NR6A1: variants seen among roughly 807,000 people sequenced by gnomAD.
NR6A1 encodes the protein nuclear receptor subfamily 6 group A member 1.
In NR6A1, 7 loss-of-function variants were observed where a neutral mutation model predicts 59.1. The ratio of observed to expected loss-of-function variants is 0.12; its 90% CI spans 0.07 to 0.22. The LOEUF is 0.22. NR6A1 is among the 10% of genes least tolerant of loss of function. NR6A1 has a pLI of 1.00. For synonymous variants in NR6A1, 243 were observed against 236.1 expected (o/e 1.03, Z -0.27); for missense variants, 468 against 611.6 (o/e 0.77, Z 2.48).
intron 6 of NR6A1, among the ~76,000 whole-genome samples, chr9:124,537,705 G>A (rs1432279777): frequency 6.6e-6 from 1 of 152,146 alleles, no homozygotes; most frequent in African/African-American, 2.4e-5. Context: ...GGTGAGGGGT[G>A]CAGACAGGCT....
At chr9:124,619,664 G>T (rs1836004888) in intron 2 of NR6A1, among the ~76,000 whole-genome samples, 1 of 152,164 alleles carries the variant, frequency 6.6e-6, no homozygotes, top group African/African-American at 2.4e-5. Flanking sequence ...CTGCTTACTA[G>T]AAGTGTGACT....
intron 2 of NR6A1, among the ~76,000 whole-genome samples, chr9:124,567,936 G>A (rs1370601467): frequency 6.7e-6 from 1 of 150,294 alleles, no homozygotes; most frequent in Non-Finnish European, 1.5e-5. Flanking sequence ...AGAACTTTGG[G>A]AGGCCAGGGC....
chr9:124,757,795 C>T (rs962582664), intron 1 of NR6A1, among the ~76,000 whole-genome samples: 1 of 152,144 alleles, frequency 6.6e-6, no homozygotes, highest in African/African-American at 2.4e-5. Context: ...ACGCTTTAAC[C>T]CTGCTTTCCA....
At chr9:124,565,321 G>A (rs543146849) in intron 2 of NR6A1, among the ~76,000 whole-genome samples, 6 of 152,260 alleles carry the variant, frequency 3.9e-5, no homozygotes, top group African/African-American at 1.4e-4. Flanking sequence ...CAGATACCCA[G>A]GAGGCTGAGG....
chr9:124,522,590 C>A lies in NR6A1; in HGVS notation c.*115G>T. On this transcript the variant is annotated 3_prime_UTR_variant, in exon 10 of 10. Coordinates refer to ENST00000487099, the MANE Select transcript of NR6A1 (RefSeq NM_033334.4). ...ACAAAAACTCTTCTTGCTATGGAGG[C>A]AACGGGAAATGCTGCTCCACAGCCT... The A allele has an allele frequency of 1.5e-6, 1 of 665,502 alleles. No individual in the cohort carries two copies. Among genetic ancestry groups the A allele is most frequent in the Non-Finnish European group, 2.5e-6 (1 of 396,538 alleles). The allele number at this position is 665,502 out of a possible 1,614,324, so 41.2% of individuals were successfully genotyped here.
At chr9:124,770,291 C>G (rs1389774499) in intron 1 of NR6A1, 3 of 138,660 alleles carry the variant, frequency 2.2e-5, no homozygotes, top group African/African-American at 8.0e-5. Flanking sequence ...CCAGAGCGCG[C>G]GGGGCGTTGA....
intron 1 of NR6A1, among the ~76,000 whole-genome samples, chr9:124,739,187 C>CAA (rs914049465): frequency 1.2e-4 from 10 of 80,452 alleles, no homozygotes; most frequent in Admixed American, 4.2e-4. Flanking sequence ...GACTCCATCT[C>CAA]AAAAAAAAAA....
chr9:124,572,779 G>C (rs1441667074), intron 2 of NR6A1, among the ~76,000 whole-genome samples: 1 of 152,174 alleles, frequency 6.6e-6, no homozygotes, highest in Non-Finnish European at 1.5e-5. Flanking sequence ...GCTCTAAGAA[G>C]CTACAGGAAG....
At chr9:124,535,806 AG>A (rs1833244776) in intron 7 of NR6A1, 71 bp downstream of exon 7, 1 of 1,571,108 alleles carries the variant, frequency 6.4e-7, no homozygotes, top group South Asian at 1.2e-5. Context: ...CTGAAGGGCC[AG>A]GCAACTCTGC....
chr9:124,650,383 A>C (rs1489843762), intron 2 of NR6A1, among the ~76,000 whole-genome samples: 1 of 152,218 alleles, frequency 6.6e-6, no homozygotes, highest in Non-Finnish European at 1.5e-5. Context: ...TTAAAAAAAA[A>C]CAACTGATCT....
chr9:124,721,849 T>C (rs965081837), intron 2 of NR6A1, among the ~76,000 whole-genome samples: 1 of 151,924 alleles, frequency 6.6e-6, no homozygotes, highest in Non-Finnish European at 1.5e-5. Context: ...AGAGACAGGA[T>C]AGAAATTAAT....
intron 2 of NR6A1, among the ~76,000 whole-genome samples, chr9:124,559,427 A>G (rs1220138334): frequency 6.6e-6 from 1 of 152,212 alleles, no homozygotes; most frequent in East Asian, 1.9e-4. Flanking sequence ...GTAAAAAATA[A>G]ATGTACAATC....
At chr9:124,609,085 G>T (rs1428702745) in intron 2 of NR6A1, among the ~76,000 whole-genome samples, 1 of 152,022 alleles carries the variant, frequency 6.6e-6, no homozygotes, top group African/African-American at 2.4e-5. Context: ...TCTATAGGTT[G>T]TCTGTTCACT....
At chr9:124,665,685 T>A (rs1837591510) in intron 2 of NR6A1, among the ~76,000 whole-genome samples, 1 of 152,196 alleles carries the variant, frequency 6.6e-6, no homozygotes, top group African/African-American at 2.4e-5. Flanking sequence ...TAATGACACA[T>A]GCTATAATGA....
chr9:124,606,465 G>A (rs1006082246), intron 2 of NR6A1, among the ~76,000 whole-genome samples: 1 of 151,558 alleles, frequency 6.6e-6, no homozygotes, highest in African/African-American at 2.4e-5. Flanking sequence ...AAAAAAAAAA[G>A]GCCTAGGCTT....
At chr9:124,726,834 T>C (rs1839735096) in intron 2 of NR6A1, among the ~76,000 whole-genome samples, 2 of 152,234 alleles carry the variant, frequency 1.3e-5, no homozygotes, top group African/African-American at 2.4e-5. Context: ...GAATGTAAAA[T>C]TCGTAACACA....
At chr9:124,581,601 C>A (rs1017524915) in intron 2 of NR6A1, among the ~76,000 whole-genome samples, 1 of 151,910 alleles carries the variant, frequency 6.6e-6, no homozygotes, top group Non-Finnish European at 1.5e-5. Flanking sequence ...AAAAAACAAA[C>A]GAACAAACAA....
intron 3 of NR6A1, among the ~76,000 whole-genome samples, chr9:124,550,746 G>C (rs1157994469): frequency 6.6e-6 from 1 of 151,948 alleles, no homozygotes; most frequent in East Asian, 1.9e-4. Context: ...ATGCTGCCCA[G>C]GCTGGTCTTG....
At chr9:124,734,947 C>T (rs1052729428) in intron 1 of NR6A1, among the ~76,000 whole-genome samples, 2 of 152,232 alleles carry the variant, frequency 1.3e-5, no homozygotes, top group Non-Finnish European at 2.9e-5. Flanking sequence ...TGGTTTCAAG[C>T]GATTCTCCTG....
Sources: allele counts gnomAD v4.1 joint callset (sites outside exome capture counted in the v4.1 genomes callset), GRCh38; gene constraint gnomAD v4.1.1; transcripts MANE v1.5; gene names NCBI Gene and HGNC (gene_info 2026-07-23, HGNC 2026-07-21).